The following MTUS2 variants were observed in gnomAD, a reference collection of about 807,000 sequenced individuals.
MTUS2 encodes the protein microtubule-associated tumor suppressor candidate 2.
Under a neutral mutation model 114.1 loss-of-function variants are expected in MTUS2, and 40 were observed. The observed-to-expected ratio is 0.35, with a 90% CI of 0.27 to 0.46. The LOEUF (loss-of-function observed/expected upper bound fraction) is 0.46. Among genes scored for constraint, MTUS2 ranks in the 20% least tolerant of loss-of-function variants. The pLI is 1.00. For missense variants in MTUS2, 1,679 were observed against 1,705.4 expected (o/e 0.98, Z 0.27); for synonymous variants, 688 against 672.0 (o/e 1.02, Z -0.37).
chr13:29,412,611 A>C (rs1431095861), intron 8 of MTUS2, among the ~76,000 whole-genome samples: 1 of 152,174 alleles, frequency 6.6e-6, no homozygotes, highest in Non-Finnish European at 1.5e-5. Context: ...AAGGAAGGAC[A>C]AGTGCAGTGA....
At chr13:28,860,689 G>A (rs1876920757) in intron 2 of MTUS2, among the ~76,000 whole-genome samples, 1 of 152,172 alleles carries the variant, frequency 6.6e-6, no homozygotes. Context: ...ATGTTTCCCT[G>A]TGTGTGCTGG....
Position 29,281,790 on chromosome 13 carries a change from C to T in MTUS2, c.2731C>T (p.Pro911Ser), listed in dbSNP as rs1898282580. 6.2e-7 allele frequency: 1 copy of T among 1,612,118 alleles called. No homozygotes were observed. The highest frequency in any genetic ancestry group is 1.3e-5 in the African/African-American group (1 of 74,906). Reference protein sequence around the residue: ...DTPKGAGRVAPPASSSVTAPR... With the variant: ...DTPKGAGRVASPASSSVTAPR... ...ACCCAAGGGGGCCGGCCGGGTGGCCCCTCCAGCATCCTCCAGTGTGACAGC... is the reference window on the plus strand; with the variant it reads ...ACCCAAGGGGGCCGGCCGGGTGGCCTCTCCAGCATCCTCCAGTGTGACAGC... The change falls in exon 6 of 16, where the codon CCT becomes TCT. Residue 911 changes from proline (P) to serine (S), a missense_variant. Transcript: ENST00000612955.
rs1488839843 is a variant in MTUS2 at position 28,820,428 on chromosome 13, T to A, written c.-499T>A. On this transcript the variant is annotated 5_prime_UTR_variant, in exon 1 of 16. Transcript: ENST00000612955. ...CCGCCGCCGGCTCTCAGGGCAAGTT[T>A]ATCTCCCCCCTTCTGCGGAAACCCT... The A allele has an allele frequency of 6.6e-6, 1 of 152,052 alleles. No individual in the cohort carries two copies. The highest frequency in any genetic ancestry group is 2.4e-5 in the African/African-American group (1 of 41,386). 9.4% of individuals were successfully genotyped at this position (152,052 alleles called of 1,614,324 possible). A position where few individuals can be genotyped will look rare whatever the true frequency, so the allele number is the denominator to read the frequency against.
intron 2 of MTUS2, among the ~76,000 whole-genome samples, chr13:28,907,085 G>A (rs1469907479): frequency 6.6e-6 from 1 of 151,504 alleles, no homozygotes; most frequent in Non-Finnish European, 1.5e-5. Flanking sequence ...AGAAGAGAGT[G>A]GGGGCCAGTA....
At chr13:29,351,154 C>T (rs1453609859) in intron 7 of MTUS2, among the ~76,000 whole-genome samples, 15 of 151,816 alleles carry the variant, frequency 9.9e-5, no homozygotes, top group Non-Finnish European at 1.0e-4. Flanking sequence ...CTGGGAGGGA[C>T]AGTTTTTCTT....
intron 9 of MTUS2, among the ~76,000 whole-genome samples, chr13:29,469,410 C>T (rs151060711): frequency 5.1e-4 from 77 of 152,226 alleles, no homozygotes; most frequent in Admixed American, 2.1e-3. Context: ...TGGTGGATCA[C>T]GAGGTCAGGA....
chr13:29,476,493 T>G (rs188516540), intron 9 of MTUS2: 2 of 152,310 alleles, frequency 1.3e-5, no homozygotes, highest in East Asian at 3.9e-4. Flanking sequence ...GTTATGTTAG[T>G]TTTTTAAAAA....
At chr13:28,926,286 A>C (rs1881323232) in intron 2 of MTUS2, among the ~76,000 whole-genome samples, 1 of 152,230 alleles carries the variant, frequency 6.6e-6, no homozygotes, top group Non-Finnish European at 1.5e-5. Context: ...ATGAGTAATA[A>C]AAAATCAATT....
intron 5 of MTUS2, among the ~76,000 whole-genome samples, chr13:29,274,215 G>T (rs925772493): frequency 1.3e-5 from 2 of 152,012 alleles, no homozygotes; most frequent in Admixed American, 6.6e-5. Flanking sequence ...CCAGGTTCAC[G>T]CCATTCTCTT....
At chr13:29,178,949 A>G (rs958670136) in intron 5 of MTUS2, among the ~76,000 whole-genome samples, 18 of 152,222 alleles carry the variant, frequency 1.2e-4, no homozygotes, top group African/African-American at 4.3e-4. Flanking sequence ...GTGGATTTTA[A>G]GAGAGATGTA....
intron 4 of MTUS2, among the ~76,000 whole-genome samples, chr13:29,038,893 G>A (rs1887207858): frequency 6.6e-6 from 1 of 152,220 alleles, no homozygotes; most frequent in Admixed American, 6.5e-5. Context: ...CCCTCACCAA[G>A]CTCGACCACC....
chr13:29,072,173 T>A (rs1888969766), intron 4 of MTUS2: 1 of 152,254 alleles, frequency 6.6e-6, no homozygotes, highest in Non-Finnish European at 1.5e-5. Context: ...TCTAGCTCAG[T>A]AAGTACTTGT....
At position 29,389,811 on chromosome 13, in the gene MTUS2, A is replaced by G. The variant is rs187643750; in HGVS notation, c.3117+30338A>G. On this transcript the variant is annotated intron_variant, in intron 8 of 15. Transcript: ENST00000612955. ...TATATGTATATACATACATATGTGT[A>G]TATATACATACATATGTGTATATAT... Among the ~76,000 whole-genome samples the G allele has an allele frequency of 1.2e-3, 64 of 53,448 alleles. 14 individuals are homozygous for G. Among genetic ancestry groups the G allele is most frequent in the African/African-American group, 4.9e-3 (55 of 11,276 alleles). 35.1% of individuals were successfully genotyped at this position (53,448 alleles called of 152,430 possible). A position where few individuals can be genotyped will look rare whatever the true frequency, so the allele number is the denominator to read the frequency against.
intron 7 of MTUS2, among the ~76,000 whole-genome samples, chr13:29,332,333 A>G (rs1030355431): frequency 2.6e-5 from 4 of 151,804 alleles, no homozygotes; most frequent in Non-Finnish European, 4.4e-5. Context: ...CTAGATTTTC[A>G]AGTTTATTTG....
At chr13:29,368,650 A>T (rs1453182099) in intron 8 of MTUS2, among the ~76,000 whole-genome samples, 1 of 152,196 alleles carries the variant, frequency 6.6e-6, no homozygotes, top group Non-Finnish European at 1.5e-5. Flanking sequence ...CAAAAAAATA[A>T]TGTACTTTAT....
At chr13:29,133,453 C>G (rs1480898454) in intron 5 of MTUS2, among the ~76,000 whole-genome samples, 1 of 151,972 alleles carries the variant, frequency 6.6e-6, no homozygotes. Flanking sequence ...AAGCTTTTGT[C>G]CTGTTTTCTT....
At chr13:29,427,373 T>C (rs1876626129) in intron 8 of MTUS2, among the ~76,000 whole-genome samples, 1 of 152,330 alleles carries the variant, frequency 6.6e-6, no homozygotes, top group Non-Finnish European at 1.5e-5. Flanking sequence ...GCATTGAAAA[T>C]CTAAAATATT....
At chr13:29,183,717 A>G (rs1894103077) in intron 5 of MTUS2, among the ~76,000 whole-genome samples, 1 of 152,220 alleles carries the variant, frequency 6.6e-6, no homozygotes, top group Admixed American at 6.5e-5. Context: ...AAACTAGAAG[A>G]GTATAGTTTC....
At chr13:29,303,874 G>C (rs1318497562) in intron 6 of MTUS2, among the ~76,000 whole-genome samples, 1 of 152,092 alleles carries the variant, frequency 6.6e-6, no homozygotes, top group Non-Finnish European at 1.5e-5. Context: ...AAAATGTTAA[G>C]GGCAGCCAGA....
Sources: gnomAD v4.1 joint callset for allele counts (sites outside exome capture counted in the v4.1 genomes callset) on GRCh38, gnomAD v4.1.1 for gene constraint, MANE v1.5 for transcripts, NCBI Gene and HGNC (gene_info 2026-07-23, HGNC 2026-07-21) for gene names.